Variants in PTPRD observed in about 807,000 individuals in gnomAD.
PTPRD encodes receptor-type tyrosine-protein phosphatase delta.
Under a neutral mutation model 214.5 loss-of-function variants are expected in PTPRD, and 34 were observed. The observed-to-expected ratio is 0.16, with a 90% CI of 0.12 to 0.21. The LOEUF is 0.21. Among genes scored for constraint, PTPRD ranks in the 10% least tolerant of loss-of-function variants. The probability of loss-of-function intolerance (pLI) is 1.00; values close to 1 mark genes in which losing one functional copy is unlikely to be tolerated. For synonymous variants in PTPRD, 1,128 were observed against 845.7 expected (o/e 1.33, Z -5.79); for missense variants, 2,545 against 2,398.7 (o/e 1.06, Z -1.27).
intron 35 of PTPRD, among the ~76,000 whole-genome samples, chr9:8,414,505 G>C (rs1453242320): frequency 2.0e-5 from 3 of 151,946 alleles, no homozygotes; most frequent in East Asian, 3.9e-4. Context: ...TGGTTTGTTT[G>C]AACAGTTGTG....
intron 27 of PTPRD, among the ~76,000 whole-genome samples, chr9:8,488,449 T>C (rs1021811689): frequency 2.0e-5 from 3 of 152,190 alleles, no homozygotes; most frequent in African/African-American, 7.2e-5. Flanking sequence ...ATGTGTGTTG[T>C]GTTGTATATA....
chr9:8,577,583 T>C (rs2092578369), intron 14 of PTPRD, among the ~76,000 whole-genome samples: 1 of 152,160 alleles, frequency 6.6e-6, no homozygotes, highest in South Asian at 2.1e-4. Context: ...AGGATCTCTC[T>C]CACCAAGAGA....
chr9:9,967,932 A>G (rs923444331), intron 4 of PTPRD, among the ~76,000 whole-genome samples: 1 of 150,462 alleles, frequency 6.6e-6, no homozygotes, highest in African/African-American at 2.4e-5. Context: ...ATACATAAAC[A>G]TATTAAGAAA....
chr9:8,381,633 G>A lies in PTPRD; in HGVS notation c.4387-4907C>T, dbSNP rs539543156. Among the ~76,000 whole-genome samples the A allele has an allele frequency of 1.3e-4, 20 of 152,264 alleles. No individual in the cohort carries two copies. The South Asian group carries it at 3.7e-3, about 28-fold the overall frequency. ...GATATTAAAGCATTTGACCACCAGT[G>A]CAGCTTTTCATATATACAGCCATAA... On this transcript the variant is annotated intron_variant, in intron 37 of 45. Transcript: ENST00000381196.
intron 6 of PTPRD, among the ~76,000 whole-genome samples, chr9:9,759,046 A>G (rs10977954): frequency 0.038 from 5,819 of 152,140 alleles, 542 homozygotes; most frequent in East Asian, 0.38. Flanking sequence ...TATACCCTCA[A>G]GATTTCAGAC....
intron 11 of PTPRD, among the ~76,000 whole-genome samples, chr9:8,968,073 AG>A (rs555000254): frequency 6.2e-4 from 95 of 152,192 alleles, no homozygotes; most frequent in African/African-American, 2.2e-3. Flanking sequence ...GTCCCTACAA[AG>A]GACATGAACT....
At chr9:8,434,745 A>C (rs1041570304) in intron 35 of PTPRD, among the ~76,000 whole-genome samples, 1 of 152,212 alleles carries the variant, frequency 6.6e-6, no homozygotes, top group Admixed American at 6.5e-5. Flanking sequence ...CTGGTTCATA[A>C]AAATTGACAT....
In PTPRD at chr9:8,316,175, T is replaced by TAAC. The variant is rs1318740731; in HGVS notation, c.*1696_*1698dup. ...AAGTGCTTTGGGCTGGTACAATCAC[T>TAAC]AACATCCCCGACTTGGCTGAAAACT... On this transcript the variant is annotated 3_prime_UTR_variant, in exon 46 of 46. Transcript: ENST00000381196. 4.4e-6 allele frequency: 1 copy of TAAC among 229,674 alleles called. No individual in the cohort carries two copies. Among genetic ancestry groups the TAAC allele is most frequent in the Non-Finnish European group, 8.6e-6 (1 of 115,620 alleles). 14.2% of individuals were successfully genotyped at this position (229,674 alleles called of 1,614,324 possible). A position where few individuals can be genotyped will look rare whatever the true frequency, so the allele number is the denominator to read the frequency against.
At chr9:8,669,114 C>A (rs1036490283) in intron 12 of PTPRD, among the ~76,000 whole-genome samples, 4 of 152,036 alleles carry the variant, frequency 2.6e-5, no homozygotes, top group Non-Finnish European at 5.9e-5. Context: ...GATGAGGTTT[C>A]AAAATCAGCA....
At chr9:10,364,145 G>T (rs985637403) in intron 2 of PTPRD, among the ~76,000 whole-genome samples, 1 of 151,336 alleles carries the variant, frequency 6.6e-6, no homozygotes, top group African/African-American at 2.4e-5. Flanking sequence ...GACTACAGGC[G>T]CCCGCCACCA....
At chr9:9,147,928 T>C (rs957701812) in intron 10 of PTPRD, among the ~76,000 whole-genome samples, 12 of 152,286 alleles carry the variant, frequency 7.9e-5, no homozygotes, top group Middle Eastern at 6.8e-3. Flanking sequence ...GACTCAGCAA[T>C]TGGTGCTTTA....
chr9:8,884,070 T>C (rs556053246), intron 11 of PTPRD, among the ~76,000 whole-genome samples: 54 of 152,312 alleles, frequency 3.5e-4, no homozygotes, highest in African/African-American at 1.2e-3. Context: ...AAAATTCTTA[T>C]CCCCATTTTA....
At chr9:8,681,246 G>T (rs2097543874) in intron 12 of PTPRD, among the ~76,000 whole-genome samples, 1 of 152,028 alleles carries the variant, frequency 6.6e-6, no homozygotes, top group Admixed American at 6.6e-5. Flanking sequence ...TTAGTTAATG[G>T]TAAAGTCCGT....
At chr9:10,223,687 A>ATAATAATAATAG (rs2099579221) in intron 3 of PTPRD, among the ~76,000 whole-genome samples, 1 of 139,818 alleles carries the variant, frequency 7.2e-6, no homozygotes, top group African/African-American at 2.6e-5. Flanking sequence ...AATAATAATA[A>ATAATAATAATAG]TAATAATAAT....
chr9:10,569,243 A>G (rs1350162630), intron 2 of PTPRD, among the ~76,000 whole-genome samples: 1 of 152,140 alleles, frequency 6.6e-6, no homozygotes, highest in Non-Finnish European at 1.5e-5. Flanking sequence ...ACCAGTTAGA[A>G]TGGCGATGAT....
intron 31 of PTPRD, among the ~76,000 whole-genome samples, chr9:8,467,461 C>G (rs1434296759): frequency 1.3e-5 from 2 of 151,856 alleles, no homozygotes; most frequent in Admixed American, 1.3e-4. Flanking sequence ...CTCCAATTTA[C>G]TCCTCGTAAT....
chr9:10,181,718 T>C (rs922566838), intron 3 of PTPRD, among the ~76,000 whole-genome samples: 2 of 151,416 alleles, frequency 1.3e-5, no homozygotes, highest in African/African-American at 4.9e-5. Context: ...ACATAATCTA[T>C]GGCAAGGTGA....
intron 9 of PTPRD, among the ~76,000 whole-genome samples, chr9:9,215,045 G>A (rs1342811334): frequency 6.6e-6 from 1 of 152,168 alleles, no homozygotes; most frequent in African/African-American, 2.4e-5. Context: ...CAGTGCTACT[G>A]TTTGGCCTAC....
intron 4 of PTPRD, among the ~76,000 whole-genome samples, chr9:9,986,252 C>G (rs534930191): frequency 3.3e-5 from 5 of 152,112 alleles, no homozygotes; most frequent in African/African-American, 1.2e-4. Flanking sequence ...AATTCCACAT[C>G]TAGGAAATAA....
Sources: gnomAD v4.1 joint callset for allele counts (sites outside exome capture counted in the v4.1 genomes callset) on GRCh38, gnomAD v4.1.1 for gene constraint, MANE v1.5 for transcripts, NCBI Gene and HGNC (gene_info 2026-07-23, HGNC 2026-07-21) for gene names.